Variants in MRRF observed in about 807,000 individuals in gnomAD.
The protein encoded by MRRF is mitochondrial ribosome recycling factor.
A neutral mutation model predicts 25.1 loss-of-function variants in MRRF; 18 were observed. The ratio of observed to expected loss-of-function variants is 0.72; its 90% CI spans 0.50 to 1.06. The LOEUF is 1.06. Among genes scored for constraint, MRRF ranks in the 50% least tolerant of loss-of-function variants. The pLI is 0.00. For missense variants in MRRF, 323 were observed against 319.3 expected, an observed-to-expected ratio of 1.01 and a Z score of -0.09; for synonymous variants, 113 against 112.1, an observed-to-expected ratio of 1.01 and a Z score of -0.05.
At position 122,322,522 on chromosome 9, in the gene MRRF, C is replaced by T; in HGVS notation, c.712-18C>T. 1.2e-6 allele frequency: 2 copies of T among 1,613,106 alleles called. No homozygotes were observed. Among genetic ancestry groups the T allele is most frequent in the East Asian group, 4.5e-5 (2 of 44,874 alleles). ...TCCAGCCCCATTAATCAGGCTGTCT[C>T]ATTTTGTGTTCTTGCAGATCAGCCA... On this transcript the variant is annotated intron_variant, in intron 6 of 6. Coordinates refer to ENST00000344641, the MANE Select transcript of MRRF (RefSeq NM_138777.5).
chr9:122,290,792 G>A (rs1428399482), intron 4 of MRRF, among the ~76,000 whole-genome samples: 1 of 152,140 alleles, frequency 6.6e-6, no homozygotes, highest in African/African-American at 2.4e-5. Context: ...TTATAATGTT[G>A]CTTGAGTGTG....
chr9:122,292,343 A>G (rs1833830256), intron 5 of MRRF, among the ~76,000 whole-genome samples: 1 of 152,102 alleles, frequency 6.6e-6, no homozygotes, highest in Admixed American at 6.5e-5. Context: ...AGACCTTGAC[A>G]CTGGTAGTCT....
intron 5 of MRRF, among the ~76,000 whole-genome samples, chr9:122,304,253 A>T (rs1160451039): frequency 6.6e-6 from 1 of 152,144 alleles, no homozygotes; most frequent in Non-Finnish European, 1.5e-5. Context: ...GCATTTGCAG[A>T]GTCATTCATT....
Position 122,278,310 on chromosome 9 carries a change from TA to T in MRRF, c.185-2125del, listed in dbSNP as rs969773440. ...GCTGAAATCACTTACAGCACCCAGATAAAAAAAACAGAACATTCTTAGCATG... is the reference window on the plus strand; with the variant it reads ...GCTGAAATCACTTACAGCACCCAGATAAAAAAACAGAACATTCTTAGCATG... On this transcript the variant is annotated intron_variant, in intron 2 of 6. Coordinates refer to ENST00000344641, the MANE Select transcript of MRRF (RefSeq NM_138777.5). 6.6e-5 allele frequency among the ~76,000 whole-genome samples: 10 copies of T among 152,150 alleles called. No homozygotes were observed. The East Asian group carries it at 1.7e-3, about 26-fold the overall frequency.
intron 5 of MRRF, among the ~76,000 whole-genome samples, chr9:122,292,061 G>A (rs532014858): frequency 2.6e-5 from 4 of 152,188 alleles, no homozygotes; most frequent in Non-Finnish European, 5.9e-5. Context: ...TTGAGAATTT[G>A]TTGTCCTTAC....
chr9:122,330,487 A>G lies in MRRF; in HGVS notation c.*7870A>G, dbSNP rs1172130161. 1.3e-5 allele frequency: 2 copies of G among 152,216 alleles called. No individual in the cohort carries two copies. The highest frequency in any genetic ancestry group is 3.9e-4 in the East Asian group (2 of 5,186). The allele number at this position is 152,216 out of a possible 1,614,324, so 9.4% of individuals were successfully genotyped here. On this transcript the variant is annotated 3_prime_UTR_variant, in exon 7 of 7. Transcript: ENST00000344641. The surrounding 1 kb of genome is among the most constrained non-coding windows in gnomAD (Gnocchi z 4.2). ...TGATCCAAATAGCTCCCTTCTTCCA[A>G]GACACTACTCCCCAGGCCTCCTCTT...
chr9:122,308,472 G>C (rs1364669601), intron 5 of MRRF, among the ~76,000 whole-genome samples: 1 of 150,892 alleles, frequency 6.6e-6, no homozygotes, highest in African/African-American at 2.4e-5. Context: ...GCCGAGGCAG[G>C]CAGATCACTT....
In MRRF at chr9:122,324,857, C is replaced by T. The variant is rs1386529908; in HGVS notation, c.*2240C>T. 6.6e-6 allele frequency: 1 copy of T among 152,246 alleles called. No homozygotes were observed. Among genetic ancestry groups the T allele is most frequent in the Non-Finnish European group, 1.5e-5 (1 of 68,080 alleles). The allele number at this position is 152,246 out of a possible 1,614,324, so 9.4% of individuals were successfully genotyped here. ...GTTAAACTAACACAGTCTCCTGCCC[C>T]ACTTACCTGTCCTCTAACCCCATCC... On this transcript the variant is annotated 3_prime_UTR_variant, in exon 7 of 7. Transcript: ENST00000344641.
In MRRF at chr9:122,271,069, G is replaced by A; in HGVS notation, c.178G>A (p.Ala60Thr). Residue 60 changes from alanine to threonine, a missense_variant, in exon 2 of 7, where the codon GCC (alanine) becomes ACC (threonine). Physicochemically the swap from Ala to Thr is moderately conservative, Grantham distance 58. Coordinates refer to ENST00000344641, the MANE Select transcript of MRRF (RefSeq NM_138777.5). ...VPVRHFATKK[A>T]KAKGKGQSQT... Reference sequence around the variant, plus strand: ...AGTCCGCCATTTTGCTACCAAGAAAGCCAAAGGTAGAGACATGTGACGTTC... The same window carrying A: ...AGTCCGCCATTTTGCTACCAAGAAAACCAAAGGTAGAGACATGTGACGTTC... The A allele has an allele frequency of 6.2e-7, 1 of 1,614,120 alleles. No individual in the cohort carries two copies. The highest frequency in any genetic ancestry group is 8.5e-7 in the Non-Finnish European group (1 of 1,179,960).
At chr9:122,288,845 A>C (rs565407408) in intron 4 of MRRF, among the ~76,000 whole-genome samples, 1 of 152,338 alleles carries the variant, frequency 6.6e-6, no homozygotes, top group Admixed American at 6.5e-5. Context: ...AATTGATCAC[A>C]TCACTCTTCT....
intron 5 of MRRF, among the ~76,000 whole-genome samples, chr9:122,300,543 T>G (rs1435971089): frequency 1.3e-5 from 2 of 152,220 alleles, no homozygotes; most frequent in Non-Finnish European, 2.9e-5. Flanking sequence ...TATTTGTTAT[T>G]ATCTAATCCT....
chr9:122,322,755 A>G lies in MRRF; in HGVS notation c.*138A>G. On this transcript the variant is annotated 3_prime_UTR_variant, in exon 7 of 7. Transcript: ENST00000344641. ...ACAGAAGCCTGTCCTTGTAAGGCCC[A>G]GCCTTCCAGGGGAACACTCAGACAT... is the stretch of plus-strand genomic sequence containing the variant. 1 of 780,356 alleles carries G rather than the reference A, an allele frequency of 1.3e-6. No homozygotes were observed. The highest frequency in any genetic ancestry group is 2.2e-6 in the Non-Finnish European group (1 of 445,646). 48.3% of individuals were successfully genotyped at this position (780,356 alleles called of 1,614,324 possible).
chr9:122,277,586 TG>T (rs1208212070), intron 2 of MRRF, among the ~76,000 whole-genome samples: 1 of 152,248 alleles, frequency 6.6e-6, no homozygotes, highest in African/African-American at 2.4e-5. Context: ...AGTCTCACTC[TG>T]TCGTCCAGGC....
intron 2 of MRRF, among the ~76,000 whole-genome samples, chr9:122,279,557 T>G (rs1041910183): frequency 6.6e-6 from 1 of 152,250 alleles, no homozygotes; most frequent in African/African-American, 2.4e-5. Flanking sequence ...AAAATTTTAT[T>G]GTTTTTCTCC....
At chr9:122,274,387 T>C (rs1200974887) in intron 2 of MRRF, among the ~76,000 whole-genome samples, 2 of 152,238 alleles carry the variant, frequency 1.3e-5, no homozygotes, top group Non-Finnish European at 2.9e-5. Context: ...CCAGGCACGA[T>C]GGCTCACGTC....
chr9:122,322,151 G>A (rs1278825083), intron 6 of MRRF, among the ~76,000 whole-genome samples: 1 of 152,116 alleles, frequency 6.6e-6, no homozygotes, highest in African/African-American at 2.4e-5. Context: ...ACGAGGTCAG[G>A]AGATTGAGAC....
chr9:122,294,674 C>A (rs538218284), intron 5 of MRRF, among the ~76,000 whole-genome samples: 1 of 152,230 alleles, frequency 6.6e-6, no homozygotes, highest in South Asian at 2.1e-4. Context: ...GTAAGAGGAT[C>A]GAGGTTTTTA....
rs184426705 is a variant in MRRF at position 122,270,451 on chromosome 9, C to T, written c.-28-413C>T. ...TCCAGTCATTTTATGCCTGTTGAGACGGTTTTCTTATTTAAAGTCCTCTTC... is the reference window on the plus strand; with the variant it reads ...TCCAGTCATTTTATGCCTGTTGAGATGGTTTTCTTATTTAAAGTCCTCTTC... On this transcript the variant is annotated intron_variant, in intron 1 of 6. Transcript: ENST00000344641. Among the ~76,000 whole-genome samples the T allele has an allele frequency of 3.4e-4, 52 of 152,284 alleles. No homozygotes were observed. In the East Asian group the frequency reaches 4.1e-3, roughly 12 times the overall value.
chr9:122,271,963 AT>A (rs1342046867), intron 2 of MRRF, among the ~76,000 whole-genome samples: 2 of 152,208 alleles, frequency 1.3e-5, no homozygotes, highest in Non-Finnish European at 2.9e-5. Context: ...TAATAGGAAA[AT>A]TAACAAATTA....
Sources: allele counts gnomAD v4.1 joint callset (sites outside exome capture counted in the v4.1 genomes callset), GRCh38; gene constraint gnomAD v4.1.1; non-coding constraint Gnocchi (gnomAD v3.1); transcripts MANE v1.5; gene names NCBI Gene and HGNC (gene_info 2026-07-23, HGNC 2026-07-21).